Variants in FSTL5 observed in about 807,000 individuals in gnomAD.
The protein encoded by FSTL5 is follistatin like 5, also known as follistatin-related protein 5.
In FSTL5, 62 loss-of-function variants were observed where a neutral mutation model predicts 89.1. The ratio of observed to expected loss-of-function variants is 0.70; its 90% CI spans 0.57 to 0.86. The LOEUF is 0.86. Among genes scored for constraint, FSTL5 ranks in the 40% least tolerant of loss-of-function variants. The pLI, the probability that FSTL5 is intolerant of heterozygous loss-of-function variation, is 0.00. For missense variants in FSTL5, 1,057 were observed against 1,001.6 expected, an observed-to-expected ratio of 1.06 and a Z score of -0.75; for synonymous variants, 383 against 346.2, an observed-to-expected ratio of 1.11 and a Z score of -1.18.
At chr4:161,748,610 T>A (rs1203823813) in intron 6 of FSTL5, among the ~76,000 whole-genome samples, 1 of 127,044 alleles carries the variant, frequency 7.9e-6, no homozygotes, top group African/African-American at 3.9e-5. Flanking sequence ...AAGCACGTTT[T>A]TTTTTTTTTT....
intron 15 of FSTL5, among the ~76,000 whole-genome samples, chr4:161,430,504 G>A (rs1732320535): frequency 6.6e-6 from 1 of 152,200 alleles, no homozygotes; most frequent in Non-Finnish European, 1.5e-5. Flanking sequence ...ACTTTGGGAG[G>A]CCGAAGCAGG....
At chr4:161,864,451 G>A (rs72691250) in intron 4 of FSTL5, among the ~76,000 whole-genome samples, 12,661 of 152,210 alleles carry the variant, frequency 0.083, 625 homozygotes, top group East Asian at 0.16. Flanking sequence ...AAAAATAAAT[G>A]TAGCAATTAT....
At chr4:161,515,286 G>A (rs549998720) in intron 10 of FSTL5, among the ~76,000 whole-genome samples, 2 of 151,752 alleles carry the variant, frequency 1.3e-5, no homozygotes, top group East Asian at 1.9e-4. Flanking sequence ...CAATCTCCAC[G>A]TACTGGGTTC....
At chr4:161,951,100 TA>T (rs1272476682) in intron 3 of FSTL5, among the ~76,000 whole-genome samples, 1 of 152,006 alleles carries the variant, frequency 6.6e-6, no homozygotes, top group African/African-American at 2.4e-5. Flanking sequence ...GATGGTTTTA[TA>T]AAGGGGAGTT....
chr4:161,842,528 T>A (rs1037129588), intron 4 of FSTL5, among the ~76,000 whole-genome samples: 2 of 152,180 alleles, frequency 1.3e-5, no homozygotes, highest in Non-Finnish European at 2.9e-5. Context: ...GTTTTAAGTA[T>A]AACTCTAAAC....
chr4:161,513,000 C>T (rs866544971), intron 10 of FSTL5, among the ~76,000 whole-genome samples: 1 of 151,716 alleles, frequency 6.6e-6, no homozygotes, highest in South Asian at 2.1e-4. Flanking sequence ...AAGTAAACTA[C>T]AAAACAAAAA....
intron 15 of FSTL5, among the ~76,000 whole-genome samples, chr4:161,435,679 G>A (rs1348256969): frequency 1.3e-5 from 2 of 150,878 alleles, no homozygotes; most frequent in African/African-American, 2.4e-5. Flanking sequence ...TGTATCTCCT[G>A]TAATCCATAT....
chr4:161,805,845 C>T (rs1223293335), intron 4 of FSTL5, among the ~76,000 whole-genome samples: 4 of 152,026 alleles, frequency 2.6e-5, no homozygotes. Context: ...ATTTCACTTT[C>T]CATGGTTTTG....
intron 15 of FSTL5, among the ~76,000 whole-genome samples, chr4:161,401,781 C>T (rs914328086): frequency 4.6e-5 from 7 of 152,158 alleles, no homozygotes; most frequent in Non-Finnish European, 7.4e-5. Flanking sequence ...CCCACCTCGG[C>T]CTCCCAAAGT....
intron 12 of FSTL5, among the ~76,000 whole-genome samples, chr4:161,482,084 G>C (rs1039695798): frequency 6.6e-6 from 1 of 152,168 alleles, no homozygotes; most frequent in African/African-American, 2.4e-5. Context: ...ACTTTGGGAG[G>C]CCAAGGCAGA....
intron 15 of FSTL5, among the ~76,000 whole-genome samples, chr4:161,403,461 C>T (rs979396155): frequency 1.5e-4 from 23 of 152,156 alleles, no homozygotes; most frequent in African/African-American, 5.6e-4. Flanking sequence ...CCAAAGGAGG[C>T]TAGTTTCTTG....
chr4:161,781,423 A>G (rs1741662157), intron 4 of FSTL5, among the ~76,000 whole-genome samples: 2 of 152,220 alleles, frequency 1.3e-5, no homozygotes, highest in African/African-American at 4.8e-5. Flanking sequence ...AACTTTACTT[A>G]AGTGTACTAC....
intron 6 of FSTL5, among the ~76,000 whole-genome samples, chr4:161,659,789 A>G (rs761374529): frequency 6.6e-5 from 10 of 152,220 alleles, no homozygotes; most frequent in Non-Finnish European, 1.5e-4. Flanking sequence ...ACAATCTTTT[A>G]TTAACTATGG....
chr4:161,487,287 A>G (rs1729712801), intron 12 of FSTL5, among the ~76,000 whole-genome samples: 1 of 152,188 alleles, frequency 6.6e-6, no homozygotes, highest in African/African-American at 2.4e-5. Flanking sequence ...ATGTTACTCA[A>G]TCACGATGTT....
At chr4:162,108,911 T>C (rs1385684249) in intron 2 of FSTL5, among the ~76,000 whole-genome samples, 1 of 152,014 alleles carries the variant, frequency 6.6e-6, no homozygotes, top group Non-Finnish European at 1.5e-5. Context: ...CTATCCTTAT[T>C]TTGGAGCAAG....
intron 10 of FSTL5, among the ~76,000 whole-genome samples, chr4:161,524,349 A>C (rs951025407): frequency 3.3e-5 from 5 of 152,072 alleles, no homozygotes; most frequent in South Asian, 2.1e-4. Context: ...GCCTCCCTAG[A>C]ATGTAAAAAA....
intron 3 of FSTL5, among the ~76,000 whole-genome samples, chr4:161,937,765 C>T (rs1734471724): frequency 6.6e-6 from 1 of 152,152 alleles, no homozygotes; most frequent in Non-Finnish European, 1.5e-5. Flanking sequence ...CTCCTCAGCA[C>T]TGGAGGTAAG....
intron 7 of FSTL5, among the ~76,000 whole-genome samples, chr4:161,639,493 T>C (rs1046217049): frequency 1.3e-4 from 20 of 152,154 alleles, no homozygotes; most frequent in African/African-American, 4.6e-4. Context: ...ACATAAATTA[T>C]TATTGCAATT....
chr4:161,855,826 A>G (rs1731703649), intron 4 of FSTL5, among the ~76,000 whole-genome samples: 1 of 152,100 alleles, frequency 6.6e-6, no homozygotes, highest in African/African-American at 2.4e-5. Flanking sequence ...GTTACTGGAC[A>G]TTTTTTCCAA....
Sources: allele counts gnomAD v4.1 joint callset (sites outside exome capture counted in the v4.1 genomes callset), GRCh38; gene constraint gnomAD v4.1.1; transcripts MANE v1.5; gene names NCBI Gene and HGNC (gene_info 2026-07-23, HGNC 2026-07-21).